GRIN2A: variants seen among roughly 807,000 people sequenced by gnomAD.
GRIN2A encodes glutamate receptor ionotropic, NMDA 2A.
GRIN2A carries 22 observed loss-of-function variants against 113.4 expected under a neutral mutation model. That is an observed-to-expected ratio of 0.19 (90% CI 0.14 to 0.28). The LOEUF (loss-of-function observed/expected upper bound fraction) is 0.28, where lower values mean the gene tolerates loss of function less well. GRIN2A is among the 10% of genes least tolerant of loss of function. GRIN2A has a pLI of 1.00. For synonymous variants in GRIN2A, 827 were observed against 738.4 expected (o/e 1.12, Z -1.94); for missense variants, 1,502 against 1,887.0 (o/e 0.80, Z 3.78).
intron 5 of GRIN2A, among the ~76,000 whole-genome samples, chr16:9,847,037 G>A (rs892600993): frequency 7.9e-5 from 12 of 152,182 alleles, no homozygotes; most frequent in African/African-American, 2.9e-4. Context: ...CACAGATGCA[G>A]TGCCTGCTGG....
chr16:9,917,406 T>C (rs1255147089), intron 3 of GRIN2A, among the ~76,000 whole-genome samples: 1 of 152,214 alleles, frequency 6.6e-6, no homozygotes, highest in Non-Finnish European at 1.5e-5. Flanking sequence ...GATGAATGGA[T>C]GAATGCAATT....
At chr16:10,133,573 C>G (rs905533317) in intron 2 of GRIN2A, among the ~76,000 whole-genome samples, 18 of 152,190 alleles carry the variant, frequency 1.2e-4, no homozygotes, top group African/African-American at 4.3e-4. Context: ...TGCCACTGCA[C>G]TCCAGCCTGG....
At chr16:10,067,918 A>AAAC (rs1375618341) in intron 2 of GRIN2A, among the ~76,000 whole-genome samples, 1 of 152,238 alleles carries the variant, frequency 6.6e-6, no homozygotes, top group East Asian at 1.9e-4. Flanking sequence ...GCCAAAGCTA[A>AAAC]AACAACTCCA....
intron 3 of GRIN2A, among the ~76,000 whole-genome samples, chr16:9,895,058 C>G (rs1482530438): frequency 6.6e-6 from 1 of 152,138 alleles, no homozygotes; most frequent in Non-Finnish European, 1.5e-5. Context: ...TGTACCAGAA[C>G]TATGCCATGA....
intron 4 of GRIN2A, among the ~76,000 whole-genome samples, chr16:9,889,974 G>A (rs1447991869): frequency 6.6e-6 from 1 of 152,094 alleles, no homozygotes; most frequent in Admixed American, 6.5e-5. Context: ...CCTCCTCACT[G>A]TTCTTTTCTA....
intron 2 of GRIN2A, among the ~76,000 whole-genome samples, chr16:10,088,793 C>A (rs1248185236): frequency 6.6e-6 from 1 of 152,196 alleles, no homozygotes; most frequent in Non-Finnish European, 1.5e-5. Flanking sequence ...CTGGGCATCC[C>A]CATAGCCTTG....
intron 2 of GRIN2A, among the ~76,000 whole-genome samples, chr16:10,152,159 T>C (rs1304086881): frequency 1.3e-5 from 2 of 152,120 alleles, no homozygotes; most frequent in Non-Finnish European, 2.9e-5. Flanking sequence ...AATCAAGCAG[T>C]GTAACCCAAA....
chr16:10,014,323 C>T (rs1191647668), intron 2 of GRIN2A, among the ~76,000 whole-genome samples: 1 of 152,158 alleles, frequency 6.6e-6, no homozygotes, highest in East Asian at 1.9e-4. Flanking sequence ...TTAAAGGATA[C>T]CTTGACAACT....
At chr16:9,876,047 A>C (rs2043359136) in intron 4 of GRIN2A, among the ~76,000 whole-genome samples, 1 of 152,148 alleles carries the variant, frequency 6.6e-6, no homozygotes, top group Non-Finnish European at 1.5e-5. Context: ...CCCAGGCTCT[A>C]AACCCCCTCA....
At chr16:9,888,779 T>G (rs2043636834) in intron 4 of GRIN2A, among the ~76,000 whole-genome samples, 2 of 152,130 alleles carry the variant, frequency 1.3e-5, no homozygotes, top group Non-Finnish European at 1.5e-5. Context: ...ATAGATACCC[T>G]TTATCAGATT....
chr16:10,090,382 C>G (rs1596494386), intron 2 of GRIN2A, among the ~76,000 whole-genome samples: 1 of 152,026 alleles, frequency 6.6e-6, no homozygotes, highest in African/African-American at 2.4e-5. Context: ...GAAATAAGCT[C>G]TGACACTGTC....
intron 3 of GRIN2A, among the ~76,000 whole-genome samples, chr16:9,919,268 T>A (rs2044314094): frequency 6.6e-6 from 1 of 152,238 alleles, no homozygotes; most frequent in Non-Finnish European, 1.5e-5. Flanking sequence ...CATACCATGC[T>A]TCTCTTAGTT....
At chr16:9,794,556 A>G (rs1902849562) in intron 11 of GRIN2A, 1 of 152,226 alleles carries the variant, frequency 6.6e-6, no homozygotes, top group South Asian at 2.1e-4. Flanking sequence ...CTTTCCGGGA[A>G]GATCATCTGG....
At chr16:10,149,036 A>G (rs2049506636) in intron 2 of GRIN2A, among the ~76,000 whole-genome samples, 1 of 152,238 alleles carries the variant, frequency 6.6e-6, no homozygotes, top group South Asian at 2.1e-4. Context: ...GAACCCACAG[A>G]CAGAGAGAGT....
At chr16:10,037,529 C>T (rs1028907382) in intron 2 of GRIN2A, among the ~76,000 whole-genome samples, 5 of 152,164 alleles carry the variant, frequency 3.3e-5, no homozygotes, top group African/African-American at 1.2e-4. Context: ...TTTAATGTTT[C>T]CCCTTCCCTA....
Position 10,180,761 on chromosome 16 carries a change from C to G in GRIN2A, c.-18-332G>C, listed in dbSNP as rs1335029264. 4.3e-6 allele frequency: 2 copies of G among 460,696 alleles called. No individual in the cohort carries two copies. The highest frequency in any genetic ancestry group is 8.0e-6 in the Non-Finnish European group (2 of 248,688). 28.5% of individuals were successfully genotyped at this position (460,696 alleles called of 1,614,324 possible). A position where few individuals can be genotyped will look rare whatever the true frequency, so the allele number is the denominator to read the frequency against. On this transcript the variant is annotated intron_variant, in intron 1 of 12. Coordinates refer to ENST00000330684, the MANE Select transcript of GRIN2A (RefSeq NM_001134407.3). The surrounding 1 kb of genome is among the most constrained non-coding windows in gnomAD (Gnocchi z 7.0). ...CCCCAAGTTCGCCGCGGGCCACAGA[C>G]CCTAAGCGCCGCGCGTGTTCTGTAC... is the stretch of plus-strand genomic sequence containing the variant.
intron 2 of GRIN2A, among the ~76,000 whole-genome samples, chr16:10,096,319 C>T (rs1357607338): frequency 6.6e-6 from 1 of 152,120 alleles, no homozygotes; most frequent in African/African-American, 2.4e-5. Flanking sequence ...TCCCAACCAG[C>T]AGCAGCACCT....
chr16:10,081,746 T>G (rs7204728), intron 2 of GRIN2A, among the ~76,000 whole-genome samples: 101 of 152,342 alleles, frequency 6.6e-4, no homozygotes, highest in African/African-American at 1.8e-3. Context: ...CTCCAATACC[T>G]GCCTGTTTCA....
chr16:10,182,652 A>C (rs1015566249), upstream of GRIN2A: 1 of 152,202 alleles, frequency 6.6e-6, no homozygotes, highest in Non-Finnish European at 1.5e-5. Context: ...GCTAGCACTC[A>C]CCGCAGCCTC....
Sources: gnomAD v4.1 joint callset for allele counts (sites outside exome capture counted in the v4.1 genomes callset) on GRCh38, gnomAD v4.1.1 for gene constraint, Gnocchi (gnomAD v3.1) non-coding constraint, MANE v1.5 for transcripts, NCBI Gene and HGNC (gene_info 2026-07-23, HGNC 2026-07-21) for gene names.